Variants in KALRN observed in about 807,000 individuals in gnomAD.
The protein encoded by KALRN is kalirin.
A neutral mutation model predicts 353.7 loss-of-function variants in KALRN; 70 were observed. The ratio of observed to expected loss-of-function variants is 0.20; its 90% confidence interval spans 0.16 to 0.24. The LOEUF is 0.24. KALRN is among the 10% of genes least tolerant of loss of function. The pLI is 1.00. For missense variants in KALRN, 2,791 were observed against 3,756.7 expected (o/e 0.74, Z 6.72); for synonymous variants, 1,391 against 1,434.8 (o/e 0.97, Z 0.69).
chr3:124,493,010 C>A, intron 32 of KALRN, 128 bp downstream of exon 32: 1 of 1,000,652 alleles, frequency 1.0e-6, no homozygotes, highest in Non-Finnish European at 1.5e-6. Flanking sequence ...CCTGTGAGTT[C>A]TACCTAGGAT....
intron 1 of KALRN, among the ~76,000 whole-genome samples, chr3:124,053,964 G>C (rs1421765236): frequency 6.6e-6 from 1 of 152,220 alleles, no homozygotes; most frequent in Non-Finnish European, 1.5e-5. Context: ...TGCAAAATGG[G>C]GGGAAATCCC....
At chr3:124,524,762 A>G (rs2109055441) in intron 33 of KALRN, among the ~76,000 whole-genome samples, 1 of 152,370 alleles carries the variant, frequency 6.6e-6, no homozygotes, top group East Asian at 1.9e-4. Context: ...GTCAAAGGCC[A>G]GTTTTTATGA....
At chr3:124,420,380 A>G (rs960269367) in intron 14 of KALRN, among the ~76,000 whole-genome samples, 11 of 152,234 alleles carry the variant, frequency 7.2e-5, no homozygotes, top group African/African-American at 2.7e-4. Context: ...GCTACAACAA[A>G]TCCGCATCAA....
chr3:124,418,321 A>C (rs1269054229), intron 14 of KALRN, among the ~76,000 whole-genome samples: 1 of 152,188 alleles, frequency 6.6e-6, no homozygotes, highest in Non-Finnish European at 1.5e-5. Context: ...TCTGGGCTCC[A>C]TCCCTCAGGG....
chr3:124,671,243 T>A (rs1374343045), intron 47 of KALRN, among the ~76,000 whole-genome samples: 1 of 152,204 alleles, frequency 6.6e-6, no homozygotes, highest in Non-Finnish European at 1.5e-5. Context: ...TCTAGACTTT[T>A]CATACCATGG....
intron 33 of KALRN, among the ~76,000 whole-genome samples, chr3:124,512,698 A>AG (rs2066068207): frequency 6.6e-6 from 1 of 151,966 alleles, no homozygotes; most frequent in Non-Finnish European, 1.5e-5. Flanking sequence ...AAAAACATGA[A>AG]GGGGGAATAT....
chr3:124,588,234 T>C (rs1299661185), intron 34 of KALRN, among the ~76,000 whole-genome samples: 1 of 152,168 alleles, frequency 6.6e-6, no homozygotes, highest in Non-Finnish European at 1.5e-5. Context: ...AAATCATTGA[T>C]GTCACACTCT....
chr3:124,540,070 C>T (rs1267386358), intron 33 of KALRN, among the ~76,000 whole-genome samples: 2 of 151,932 alleles, frequency 1.3e-5, no homozygotes, highest in African/African-American at 4.8e-5. Context: ...CCACCACACC[C>T]GGCTAATTTT....
chr3:124,514,624 T>G (rs1320279409), intron 33 of KALRN, among the ~76,000 whole-genome samples: 3 of 151,998 alleles, frequency 2.0e-5, no homozygotes, highest in African/African-American at 7.3e-5. Context: ...CTCCAAGAGG[T>G]TGAATAATTT....
intron 1 of KALRN, among the ~76,000 whole-genome samples, chr3:124,116,427 T>G (rs1020563734): frequency 1.3e-5 from 2 of 152,198 alleles, no homozygotes; most frequent in African/African-American, 4.8e-5. Flanking sequence ...ATAGATCCTA[T>G]CTTACAGATC....
At chr3:124,205,326 C>G (rs66838067) in intron 1 of KALRN, among the ~76,000 whole-genome samples, 20,826 of 152,206 alleles carry the variant, frequency 0.14, 1,763 homozygotes, top group Middle Eastern at 0.22. Flanking sequence ...AGCACACCAC[C>G]AGGTGTAGAT....
chr3:124,450,624 G>A (rs2058684068), intron 21 of KALRN, among the ~76,000 whole-genome samples: 1 of 148,486 alleles, frequency 6.7e-6, no homozygotes, highest in Non-Finnish European at 1.5e-5. Context: ...GTGCAGTCAT[G>A]TGACCTCAGC....
rs2093860773 is a variant in KALRN at position 124,446,959 on chromosome 3, CAA to C, written c.3552+76_3552+77del. 3.2e-5 allele frequency: 50 copies of C among 1,551,462 alleles called. No homozygotes were observed. In the South Asian group the frequency reaches 5.1e-4, roughly 16 times the overall value. On this transcript the variant is annotated intron_variant, in intron 21 of 59. Coordinates refer to ENST00000682506, the MANE Select transcript of KALRN (RefSeq NM_001388419.1). Reference sequence around the variant, plus strand: ...TCTGGCCAATTTCACATTATGGAAGCAAAGACAGCTTCTGTAAGCAAAAATAC... The same window carrying C: ...TCTGGCCAATTTCACATTATGGAAGCAGACAGCTTCTGTAAGCAAAAATAC...
At chr3:124,128,580 C>G (rs1227815722) in intron 1 of KALRN, among the ~76,000 whole-genome samples, 1 of 151,950 alleles carries the variant, frequency 6.6e-6, no homozygotes, top group African/African-American at 2.4e-5. Flanking sequence ...TACAGGGAAG[C>G]AGGAAAATGG....
At chr3:124,168,711 C>T (rs1035541940) in intron 1 of KALRN, among the ~76,000 whole-genome samples, 4 of 152,198 alleles carry the variant, frequency 2.6e-5, no homozygotes, top group African/African-American at 7.2e-5. Context: ...GTTTTAACTC[C>T]TGTTAAATTA....
chr3:124,544,797 T>A (rs1395669231), intron 33 of KALRN, among the ~76,000 whole-genome samples: 2 of 152,176 alleles, frequency 1.3e-5, no homozygotes, highest in Non-Finnish European at 2.9e-5. Flanking sequence ...ATAAGCACTT[T>A]GTAAGTATTG....
chr3:124,667,000 G>T lies in KALRN; in HGVS notation c.6532-12G>T, dbSNP rs146863571. 1.3e-6 allele frequency: 2 copies of T among 1,585,890 alleles called. No individual in the cohort carries two copies. Among genetic ancestry groups the T allele is most frequent in the Non-Finnish European group, 1.7e-6 (2 of 1,161,328 alleles). On this transcript the variant is annotated splice_polypyrimidine_tract_variant and intron_variant, in intron 46 of 59. Coordinates refer to ENST00000682506, the MANE Select transcript of KALRN (RefSeq NM_001388419.1). ...TTTTAAATGTAAAAAGGATCAACTC[G>T]TTTTCTTCCAGATGAATTACTTGGT...
At chr3:124,292,113 A>G (rs536799381) in intron 5 of KALRN, among the ~76,000 whole-genome samples, 5 of 152,290 alleles carry the variant, frequency 3.3e-5, no homozygotes, top group South Asian at 4.1e-4. Context: ...GTGTTGCCCT[A>G]TTTGCACAAG....
Position 124,195,825 on chromosome 3 carries a change from A to G in KALRN, c.74-32165A>G, listed in dbSNP as rs921603957. Among the ~76,000 whole-genome samples, 62 of 152,186 alleles carry G rather than the reference A, an allele frequency of 4.1e-4. 1 individual carries two copies. Among genetic ancestry groups the G allele is most frequent in the Non-Finnish European group, 1.6e-4 (11 of 68,028 alleles). On this transcript the variant is annotated intron_variant, in intron 1 of 59. Transcript: ENST00000682506. ...AGGCCTGCCTACCTGCCAGAAATCT[A>G]ATTTCAGACGCTTGCATCAAACTCA... is the stretch of plus-strand genomic sequence containing the variant.
Sources: gnomAD v4.1 joint callset for allele counts (sites outside exome capture counted in the v4.1 genomes callset) on GRCh38, gnomAD v4.1.1 for gene constraint, MANE v1.5 for transcripts, NCBI Gene and HGNC (gene_info 2026-07-23, HGNC 2026-07-21) for gene names.